The following KIR2DL4 variants were observed in gnomAD, a reference collection of about 807,000 sequenced individuals.
KIR2DL4 encodes the protein killer cell immunoglobulin like receptor, two Ig domains and long cytoplasmic tail 4.
In KIR2DL4, 41 loss-of-function variants were observed where a neutral mutation model predicts 31.0. The ratio of observed to expected loss-of-function variants is 1.32; its 90% CI spans 1.03 to 1.72. KIR2DL4 has a LOEUF of 1.72. Ranked by LOEUF, KIR2DL4 falls within the 40% of genes most tolerant of loss-of-function variation. KIR2DL4 has a pLI of 0.00. For synonymous variants in KIR2DL4, 164 were observed against 133.6 expected (o/e 1.23, Z -1.57); for missense variants, 438 against 353.7 (o/e 1.24, Z -1.91).
chr19:54,806,098 C>A (rs2060506776), exon 4 of KIR2DL4: 1 of 1,612,194 alleles, frequency 6.2e-7, no homozygotes. Context: ...AGGCTCCCTG[C>A]AGTGCCCAGC....
chr19:54,803,895 C>T, exon 2 of KIR2DL4: 1 of 1,610,094 alleles, frequency 6.2e-7, no homozygotes, highest in Non-Finnish European at 8.5e-7. Context: ...TTGCAGGGTT[C>T]TTCTTGGACC....
exon 8 of KIR2DL4, chr19:54,814,073 C>G: frequency 6.2e-7 from 1 of 1,612,096 alleles, no homozygotes; most frequent in Non-Finnish European, 8.5e-7. Context: ...GTCTCAAACC[C>G]AGCTTGCCAG....
In KIR2DL4 at chr19:54,813,130, G is replaced by A. The variant is rs1480801249; in HGVS notation, c.712G>A (p.Ala238Thr). 5.4e-6 allele frequency: 8 copies of A among 1,475,834 alleles called. 1 individual carries two copies. The East Asian group carries it at 1.4e-4, about 26-fold the overall frequency. 91.4% of individuals were successfully genotyped at this position (1,475,834 alleles called of 1,614,324 possible). A position where few individuals can be genotyped will look rare whatever the true frequency, so the allele number is the denominator to read the frequency against. ...GGATTCCCATCTTCCTCCAGGTATCGCCAGACACCTGCATGCTGTGATTAG... is the reference window on the plus strand; with the variant it reads ...GGATTCCCATCTTCCTCCAGGTATCACCAGACACCTGCATGCTGTGATTAG... Residue 238 changes from alanine (A) to threonine (T), a missense_variant, in exon 6 of 8, where the codon GCC (alanine) becomes ACC (threonine). Ala to Thr is a moderately conservative substitution (Grantham distance 58, BLOSUM62 0). Coordinates refer to ENST00000359085, the Ensembl canonical transcript of KIR2DL4.
At position 54,810,834 on chromosome 19, in the gene KIR2DL4, A is replaced by C. The variant is rs2060824301; in HGVS notation, c.706+1951A>C. On this transcript the variant is annotated intron_variant, in intron 5 of 7. Coordinates refer to ENST00000359085, the Ensembl canonical transcript of KIR2DL4. ...AAGGGAGGCCCAGGTGCATAACTGG[A>C]ATCTAGGAGACTGTGGAAAAGGCAA... Among the ~76,000 whole-genome samples, 2 of 151,358 alleles carry C rather than the reference A, an allele frequency of 1.3e-5. 1 individual carries two copies. The highest frequency in any genetic ancestry group is 4.9e-5 in the African/African-American group (2 of 40,970).
At chr19:54,810,581 A>C (rs2060803491) in intron 5 of KIR2DL4, among the ~76,000 whole-genome samples, 1 of 151,558 alleles carries the variant, frequency 6.6e-6, no homozygotes, top group South Asian at 2.1e-4. Flanking sequence ...GTCAGCCGTG[A>C]AGGCACAAAG....
chr19:54,805,966 C>T, exon 4 of KIR2DL4: 1 of 1,607,148 alleles, frequency 6.2e-7, no homozygotes, highest in East Asian at 2.2e-5. Flanking sequence ...TATGAGAAAC[C>T]TTCGCTTACA....
Position 54,813,632 on chromosome 19 carries a change from T to C in KIR2DL4, c.811-58T>C, listed in dbSNP as rs1205436723. 5.1e-6 allele frequency: 8 copies of C among 1,562,070 alleles called. 1 individual carries two copies. The Admixed American group carries it at 8.4e-5, about 16-fold the overall frequency. The stretch of plus-strand genomic sequence containing the variant: ...CCCCCTGTGTGTTGGTATCTGTTCA[T>C]GAAATGAGGACCCAGAAGTGCCCTC... On this transcript the variant is annotated intron_variant, in intron 6 of 7. Transcript: ENST00000359085.
At position 54,804,836 on chromosome 19, in the gene KIR2DL4, G is replaced by A; in HGVS notation, c.120G>A (p.Val40=). The A allele has an allele frequency of 5.6e-6, 9 of 1,612,270 alleles. 1 individual carries two copies. In the South Asian group the frequency reaches 8.8e-5, roughly 16 times the overall value. ...TCTGCTCTGCCTGGCCCAGCGCTGT[G>A]GTGCCTCAAGGAGGACACGTGACTC... Residue 40 remains valine, a synonymous_variant, in exon 3 of 8, where the codon GTG becomes GTA. Transcript: ENST00000359085.
rs1181826351 is a variant in KIR2DL4 at position 54,813,618 on chromosome 19, T to C, written c.811-72T>C. ...GGCACCTATGGCCTCCCCCTGTGTG[T>C]TGGTATCTGTTCATGAAATGAGGAC... On this transcript the variant is annotated intron_variant, in intron 6 of 7. Coordinates refer to ENST00000359085, the Ensembl canonical transcript of KIR2DL4. 37 of 1,483,272 alleles carry C rather than the reference T, an allele frequency of 2.5e-5. No individual in the cohort carries two copies. The Admixed American group carries it at 5.8e-4, about 23-fold the overall frequency. The allele number at this position is 1,483,272 out of a possible 1,614,324, so 91.9% of individuals were successfully genotyped here.
chr19:54,806,116 G>A (rs1569362607), exon 4 of KIR2DL4: 2 of 1,612,116 alleles, frequency 1.2e-6, no homozygotes, highest in Middle Eastern at 3.3e-4. Context: ...AGCATCAATG[G>A]AACATTCCAG....
chr19:54,813,236 T>A (rs1322134306), intron 6 of KIR2DL4: 3 of 1,577,508 alleles, frequency 1.9e-6, no homozygotes, highest in East Asian at 2.3e-5. Context: ...AAAGTAAGCC[T>A]CACGAAGCAG....
intron 4 of KIR2DL4, among the ~76,000 whole-genome samples, chr19:54,806,950 G>A (rs1278818758): frequency 6.6e-6 from 1 of 150,830 alleles, no homozygotes; most frequent in African/African-American, 2.5e-5. Context: ...AGGAGGAGGA[G>A]GTTGCAGTGA....
At chr19:54,814,195 C>A in exon 8 of KIR2DL4, 1 of 1,447,582 alleles carries the variant, frequency 6.9e-7, no homozygotes, top group Non-Finnish European at 9.5e-7. Context: ...TGTCTAAGGT[C>A]CCCACTGCCT....
At chr19:54,805,180 A>C in intron 3 of KIR2DL4, 103 bp downstream of exon 3, 3 of 1,182,368 alleles carry the variant, frequency 2.5e-6, no homozygotes, top group Non-Finnish European at 3.5e-6. Context: ...CCCCAACTAT[A>C]TTTGGGGTAA....
chr19:54,807,763 A>G (rs1290876742), intron 4 of KIR2DL4, among the ~76,000 whole-genome samples: 2 of 148,914 alleles, frequency 1.3e-5, no homozygotes, highest in African/African-American at 5.1e-5. Context: ...AGGAACTTCC[A>G]TATTCTTCTC....
At chr19:54,806,631 T>C (rs1419134382) in intron 4 of KIR2DL4, among the ~76,000 whole-genome samples, 1 of 151,250 alleles carries the variant, frequency 6.6e-6, no homozygotes, top group Non-Finnish European at 1.5e-5. Context: ...TTCTTTTCCT[T>C]TGAAAAAATG....
intron 3 of KIR2DL4, among the ~76,000 whole-genome samples, chr19:54,805,295 G>A (rs796894467): frequency 6.6e-6 from 1 of 150,748 alleles, no homozygotes; most frequent in Non-Finnish European, 1.5e-5. Context: ...TTATAGGGCA[G>A]GGGACTGAAG....
At chr19:54,813,910 A>T (rs2061042332) in exon 8 of KIR2DL4, 1 of 1,612,460 alleles carries the variant, frequency 6.2e-7, no homozygotes, top group Admixed American at 1.7e-5. Flanking sequence ...TCACACAGAG[A>T]AAAATCACTG....
At position 54,813,825 on chromosome 19, in the gene KIR2DL4, G is replaced by A. The variant is rs199591487; in HGVS notation, c.*42-17G>A. The A allele has an allele frequency of 6.2e-7, 1 of 1,605,564 alleles. No homozygotes were observed. Among genetic ancestry groups the A allele is most frequent in the African/African-American group, 1.4e-5 (1 of 73,620 alleles). ...AATGTGAACACCCTCCCTCACTCAG[G>A]ATTTCCCTCTCTCCAGGACTCTGAT... On this transcript the variant is annotated splice_polypyrimidine_tract_variant and intron_variant, in intron 7 of 7. Coordinates refer to ENST00000359085, the Ensembl canonical transcript of KIR2DL4.
Sources: gnomAD v4.1 joint callset for allele counts (sites outside exome capture counted in the v4.1 genomes callset) on GRCh38, gnomAD v4.1.1 for gene constraint, MANE v1.5 for transcripts, NCBI Gene and HGNC (gene_info 2026-07-23, HGNC 2026-07-21) for gene names.